The following F8 variants were observed in gnomAD, a reference collection of about 807,000 sequenced individuals.
F8 encodes antihemophilic factor.
A neutral mutation model predicts 140.6 loss-of-function variants in F8; 12 were observed. The ratio of observed to expected loss-of-function variants is 0.09; its 90% CI spans 0.05 to 0.14. The LOEUF is 0.14. Ranked by LOEUF, F8 falls within the 10% of genes least tolerant of loss-of-function variation. The pLI, the probability that F8 is intolerant of heterozygous loss-of-function variation, is 1.00. For synonymous variants in F8, 585 were observed against 614.6 expected, an observed-to-expected ratio of 0.95 and a Z score of 0.71; for missense variants, 1,354 against 1,720.7, an observed-to-expected ratio of 0.79 and a Z score of 3.77.
chrX:154,866,422 C>T (rs2072731804), intron 22 of F8, among the ~76,000 whole-genome samples: 1 of 111,828 alleles, frequency 8.9e-6, no homozygotes, highest in African/African-American at 3.2e-5. Context: ...GAACTTTCCA[C>T]CCAACAGTAG....
At chrX:154,906,604 A>C (rs1557276386) in intron 14 of F8, 31 bp from the exon 15 acceptor site, 2 of 1,194,107 alleles carry the variant, frequency 1.7e-6, no homozygotes, top group African/African-American at 3.5e-5. Context: ...AAAAGCAATA[A>C]TTTTATGTAC....
intron 22 of F8, 56 bp from the exon 23 acceptor site, chrX:154,863,283 T>C: frequency 9.2e-7 from 1 of 1,084,696 alleles, no homozygotes; most frequent in Non-Finnish European, 1.3e-6. Context: ...TAAAAAGCAA[T>C]TTCTGTCAAT....
chrX:154,990,555 C>T (rs1557284568), intron 4 of F8, among the ~76,000 whole-genome samples: 2 of 112,179 alleles, frequency 1.8e-5, no homozygotes, highest in Non-Finnish European at 1.9e-5. Context: ...TCTATCTTTG[C>T]TTTCAGCCAT....
At chrX:154,965,747 A>T (rs1029758310) in intron 9 of F8, 7 of 402,787 alleles carry the variant, frequency 1.7e-5, no homozygotes, top group African/African-American at 1.3e-4. Context: ...TCAAAGTCTA[A>T]GCAGTATTTC....
intron 20 of F8, among the ~76,000 whole-genome samples, chrX:154,900,224 T>C (rs2073002532): frequency 9.0e-6 from 1 of 111,570 alleles, no homozygotes; most frequent in African/African-American, 3.3e-5. Flanking sequence ...CAAATAATAA[T>C]ATTATTTCTT....
intron 13 of F8, among the ~76,000 whole-genome samples, chrX:154,942,750 T>C (rs1264001671): frequency 3.7e-5 from 4 of 107,945 alleles, no homozygotes; most frequent in Non-Finnish European, 5.8e-5. Flanking sequence ...TTGATGAACA[T>C]TGATGCAAAA....
chrX:154,860,390 T>A (rs782370974), intron 25 of F8, 42 bp downstream of exon 25: 1 of 1,177,764 alleles, frequency 8.5e-7, no homozygotes, highest in Non-Finnish European at 1.2e-6. Flanking sequence ...AGAGGTGGTA[T>A]TTTTTTTCTT....
rs1004377501 is a variant in F8, at chrX:154,908,700, T to C, written c.5220-2127A>G. ...CTTATTTCTAGGTACTTGTTAGTAT[T>C]CTATTCCACTATTTATTTTGTTTTT... On this transcript the variant is annotated intron_variant, in intron 14 of 25. Transcript: ENST00000360256. Among the ~76,000 whole-genome samples the C allele has an allele frequency of 2.7e-5, 3 of 111,953 alleles. No individual in the cohort carries two copies. In the Admixed American group the frequency reaches 2.8e-4, roughly 11 times the overall value.
At position 154,836,394 on chromosome X, in the gene F8, T is replaced by G. The variant is rs981531274; in HGVS notation, c.*1203A>C. On this transcript the variant is annotated 3_prime_UTR_variant, in exon 26 of 26. Transcript: ENST00000360256. ...AGGAGCAGTAAACCCTTCACAATCT[T>G]ATGGGGGTGGAGGGCAAGAAGGGGG... 1.8e-5 allele frequency: 2 copies of G among 111,038 alleles called. No individual in the cohort carries two copies. Among genetic ancestry groups the G allele is most frequent in the African/African-American group, 6.6e-5 (2 of 30,481 alleles). The allele number at this position is 111,038 out of a possible 1,213,427, so 9.2% of individuals were successfully genotyped here. A position where few individuals can be genotyped will look rare whatever the true frequency, so the allele number is the denominator to read the frequency against.
At chrX:154,911,742 C>T (rs1014454182) in intron 14 of F8, among the ~76,000 whole-genome samples, 1 of 112,097 alleles carries the variant, frequency 8.9e-6, no homozygotes, top group Non-Finnish European at 1.9e-5. Flanking sequence ...TGCTGGATCA[C>T]ATGGTCGTTC....
At chrX:154,974,622 A>G (rs145234270) in intron 6 of F8, among the ~76,000 whole-genome samples, 2,585 of 111,138 alleles carry the variant, frequency 0.023, 46 homozygotes, top group South Asian at 0.038. Flanking sequence ...ATTTTGGAAG[A>G]GTTTCTTCCT....
intron 3 of F8, among the ~76,000 whole-genome samples, chrX:154,993,776 G>T (rs1238609238): frequency 1.8e-5 from 2 of 112,128 alleles, no homozygotes; most frequent in Non-Finnish European, 3.8e-5. Flanking sequence ...AGACTCTTTG[G>T]TAGGCACTAG....
chrX:154,965,322 C>A (rs1238331119), intron 9 of F8, among the ~76,000 whole-genome samples: 1 of 111,754 alleles, frequency 8.9e-6, no homozygotes, highest in Non-Finnish European at 1.9e-5. Flanking sequence ...TCATGACATT[C>A]TTCAGCGGCT....
chrX:155,018,015 C>A (rs1364438287), intron 1 of F8, among the ~76,000 whole-genome samples: 1 of 108,931 alleles, frequency 9.2e-6, no homozygotes, highest in Non-Finnish European at 1.9e-5. Flanking sequence ...CAGGTGAGCA[C>A]CACCATGCCC....
Position 154,961,316 on chromosome X carries a change from T to C in F8, c.1444-148A>G, listed in dbSNP as rs927227583. On this transcript the variant is annotated intron_variant, in intron 9 of 25. Coordinates refer to ENST00000360256, the MANE Select transcript of F8 (RefSeq NM_000132.4). ...ATAAAACTCAAAATATTTGGTCTTT[T>C]CATGAAATTGTTCCTTGGCATGCAT... 22 of 450,443 alleles carry C rather than the reference T, an allele frequency of 4.9e-5. No homozygotes were observed. The East Asian group carries it at 5.0e-4, about 10-fold the overall frequency. The allele number at this position is 450,443 out of a possible 1,213,427, so 37.1% of individuals were successfully genotyped here. A position where few individuals can be genotyped will look rare whatever the true frequency, so the allele number is the denominator to read the frequency against.
chrX:154,994,797 C>T (rs781849234), intron 3 of F8, among the ~76,000 whole-genome samples: 12 of 111,581 alleles, frequency 1.1e-4, no homozygotes, highest in Admixed American at 1.0e-3. Context: ...AGAAAAAAAT[C>T]ACTGGGATAT....
At chrX:154,956,813 C>T (rs782399783) in intron 11 of F8, 144 bp downstream of exon 11, 20 of 573,049 alleles carry the variant, frequency 3.5e-5, no homozygotes, top group Non-Finnish European at 5.5e-5. Context: ...CCAGCAGGCA[C>T]GTTTACTACG....
At chrX:154,996,232 T>C (rs2073616774) in intron 3 of F8, among the ~76,000 whole-genome samples, 1 of 111,431 alleles carries the variant, frequency 9.0e-6, no homozygotes, top group Non-Finnish European at 1.9e-5. Flanking sequence ...TACAGCTACA[T>C]GTTTAGGGTA....
intron 14 of F8, among the ~76,000 whole-genome samples, chrX:154,923,411 C>T (rs1180403090): frequency 8.9e-6 from 1 of 111,841 alleles, no homozygotes; most frequent in Non-Finnish European, 1.9e-5. Flanking sequence ...GGATCCCCAC[C>T]CAAATCTCAT....
Sources: gnomAD v4.1 joint callset for allele counts (sites outside exome capture counted in the v4.1 genomes callset) on GRCh38, gnomAD v4.1.1 for gene constraint, MANE v1.5 for transcripts, NCBI Gene and HGNC (gene_info 2026-07-23, HGNC 2026-07-21) for gene names.